The following RSU1 variants were observed in gnomAD, a reference collection of about 807,000 sequenced individuals.
RSU1 encodes rsu-1.
A neutral mutation model predicts 31.1 loss-of-function variants in RSU1; 26 were observed. The observed-to-expected ratio is 0.84, with a 90% CI of 0.61 to 1.16. RSU1 has a LOEUF of 1.16. Among genes scored for constraint, RSU1 ranks in the 50% most tolerant of loss-of-function variants. RSU1 has a pLI of 0.00. For missense variants in RSU1, 320 were observed against 339.1 expected (o/e 0.94, Z 0.44); for synonymous variants, 164 against 136.3 (o/e 1.20, Z -1.41).
At chr10:16,641,527 C>T (rs1834442555) in intron 8 of RSU1, among the ~76,000 whole-genome samples, 2 of 151,672 alleles carry the variant, frequency 1.3e-5, no homozygotes, top group South Asian at 4.2e-4. Context: ...GTTATTCACA[C>T]ACCCACACTC....
chr10:16,702,886 C>G (rs760315645), intron 7 of RSU1, among the ~76,000 whole-genome samples: 1 of 152,122 alleles, frequency 6.6e-6, no homozygotes, highest in Non-Finnish European at 1.5e-5. Context: ...GATCTGCAAC[C>G]CTGCCCAAGT....
rs572211740 is a variant in RSU1, at chr10:16,640,776, T to C, written c.732-47280A>G. On this transcript the variant is annotated intron_variant, in intron 8 of 8. Transcript: ENST00000345264. ...GGGTTCAGCTGGCTGTTGGGTCCCCTGTTACAAGCTCTCATAGCACAGCCT... is the reference window on the plus strand; with the variant it reads ...GGGTTCAGCTGGCTGTTGGGTCCCCCGTTACAAGCTCTCATAGCACAGCCT... 3.3e-5 allele frequency among the ~76,000 whole-genome samples: 5 copies of C among 152,364 alleles called. No individual in the cohort carries two copies. The South Asian group carries it at 1.0e-3, about 32-fold the overall frequency.
chr10:16,692,202 G>A (rs1835572055), intron 8 of RSU1, among the ~76,000 whole-genome samples: 2 of 152,116 alleles, frequency 1.3e-5, no homozygotes, highest in Admixed American at 1.3e-4. Context: ...CATAAAAACA[G>A]ATATACCAAT....
intron 3 of RSU1, among the ~76,000 whole-genome samples, chr10:16,765,160 C>A (rs929449772): frequency 6.6e-6 from 1 of 152,034 alleles, no homozygotes; most frequent in Non-Finnish European, 1.5e-5. Flanking sequence ...AGATGGAGAT[C>A]TCCAAATCCC....
At chr10:16,693,477 C>CAA (rs773915130) in intron 8 of RSU1, among the ~76,000 whole-genome samples, 1 of 131,376 alleles carries the variant, frequency 7.6e-6, no homozygotes, top group African/African-American at 2.8e-5. Context: ...TTTCTGATAC[C>CAA]AAAAAAAAAA....
chr10:16,745,367 TA>T (rs2131613915), intron 7 of RSU1, among the ~76,000 whole-genome samples: 1 of 152,176 alleles, frequency 6.6e-6, no homozygotes, highest in South Asian at 2.1e-4. Flanking sequence ...GGAGGTAAAA[TA>T]ACGTTATCTG....
At chr10:16,805,303 G>T (rs552246273) in intron 2 of RSU1, among the ~76,000 whole-genome samples, 1 of 152,170 alleles carries the variant, frequency 6.6e-6, no homozygotes, top group Non-Finnish European at 1.5e-5. Context: ...AACTAGGAAC[G>T]GGGGATGGAG....
chr10:16,641,483 CT>C (rs372635561), intron 8 of RSU1, among the ~76,000 whole-genome samples: 1 of 136,376 alleles, frequency 7.3e-6, no homozygotes, highest in Non-Finnish European at 1.5e-5. Context: ...CAGGGTGAGA[CT>C]TTATCTCAAA....
chr10:16,737,453 A>G (rs777673447), intron 7 of RSU1, among the ~76,000 whole-genome samples: 10 of 152,090 alleles, frequency 6.6e-5, no homozygotes, highest in South Asian at 4.1e-4. Context: ...GAAGCAAGGT[A>G]GAAGTAAAAA....
At position 16,655,280 on chromosome 10, in the gene RSU1, C is replaced by T. The variant is rs139967315; in HGVS notation, c.731+39743G>A. On this transcript the variant is annotated intron_variant, in intron 8 of 8. Coordinates refer to ENST00000345264, the MANE Select transcript of RSU1 (RefSeq NM_012425.4). Reference sequence around the variant, plus strand: ...GAAAGGGATAAAGGCAAAACCACTGCTAATATTTGACAACAATTAAATAAA... The same window carrying T: ...GAAAGGGATAAAGGCAAAACCACTGTTAATATTTGACAACAATTAAATAAA... 1.3e-3 allele frequency among the ~76,000 whole-genome samples: 196 copies of T among 152,212 alleles called. No homozygotes were observed. The Middle Eastern group carries it at 0.014, about 11-fold the overall frequency.
chr10:16,725,876 A>G (rs1444683238), intron 7 of RSU1, among the ~76,000 whole-genome samples: 2 of 149,346 alleles, frequency 1.3e-5, no homozygotes, highest in African/African-American at 2.5e-5. Flanking sequence ...ACCATATTTG[A>G]AATAAACAAA....
In RSU1 at chr10:16,709,191, C is replaced by T. The variant is rs891539922; in HGVS notation, c.599-14036G>A. Among the ~76,000 whole-genome samples, 58 of 151,756 alleles carry T rather than the reference C, an allele frequency of 3.8e-4. 1 individual carries two copies. Among genetic ancestry groups the T allele is most frequent in the South Asian group, 2.9e-3 (14 of 4,772 alleles). The stretch of plus-strand genomic sequence containing the variant: ...CCCCAGAGTGTGATGTTCCCCTTCC[C>T]GTGTCCATGTGTTCTCATTGTTCAA... On this transcript the variant is annotated intron_variant, in intron 7 of 8. Coordinates refer to ENST00000345264, the MANE Select transcript of RSU1 (RefSeq NM_012425.4).
chr10:16,746,040 A>C (rs1203262363), intron 7 of RSU1, among the ~76,000 whole-genome samples: 1 of 152,216 alleles, frequency 6.6e-6, no homozygotes, highest in Non-Finnish European at 1.5e-5. Flanking sequence ...AAAAGGATTA[A>C]GAGATATAAC....
intron 6 of RSU1, 125 bp from the exon 7 acceptor site, chr10:16,752,778 C>T (rs1837005534): frequency 2.0e-6 from 2 of 1,023,502 alleles, no homozygotes; most frequent in South Asian, 1.4e-5. Context: ...CAAGTGCCGG[C>T]GGATAATCAA....
intron 7 of RSU1, chr10:16,721,553 C>G (rs1836263017): frequency 6.6e-6 from 1 of 152,294 alleles, no homozygotes; most frequent in South Asian, 2.1e-4. Context: ...AGGCCTAAGC[C>G]ACTTCCCCAG....
intron 7 of RSU1, among the ~76,000 whole-genome samples, chr10:16,719,911 G>A (rs1169801485): frequency 1.3e-5 from 2 of 152,204 alleles, no homozygotes; most frequent in African/African-American, 4.8e-5. Context: ...TACACCAGAG[G>A]AGACTAGCCC....
intron 8 of RSU1, among the ~76,000 whole-genome samples, chr10:16,621,048 G>A (rs984890389): frequency 1.3e-5 from 2 of 152,132 alleles, no homozygotes; most frequent in Admixed American, 6.5e-5. Flanking sequence ...AGGACACACA[G>A]AAGAATTAAA....
At chr10:16,682,872 G>A (rs774947249) in intron 8 of RSU1, among the ~76,000 whole-genome samples, 2 of 151,942 alleles carry the variant, frequency 1.3e-5, no homozygotes, top group African/African-American at 2.4e-5. Context: ...CCTCCACACC[G>A]CACATGCCCT....
intron 3 of RSU1, among the ~76,000 whole-genome samples, chr10:16,778,194 G>C (rs1165792698): frequency 6.6e-6 from 1 of 151,790 alleles, no homozygotes; most frequent in African/African-American, 2.4e-5. Flanking sequence ...ATGGGGTCTT[G>C]CTATGTTGCC....
Sources: allele counts gnomAD v4.1 joint callset (sites outside exome capture counted in the v4.1 genomes callset), GRCh38; gene constraint gnomAD v4.1.1; transcripts MANE v1.5; gene names NCBI Gene and HGNC (gene_info 2026-07-23, HGNC 2026-07-21).